Variants in MYLK4 observed in about 807,000 individuals in gnomAD.
The protein encoded by MYLK4 is myosin light chain kinase family member 4, also known as caMLCK like.
In MYLK4, 46 loss-of-function variants were observed where a neutral mutation model predicts 48.1. The ratio of observed to expected loss-of-function variants is 0.96; its 90% CI spans 0.75 to 1.22. The LOEUF (loss-of-function observed/expected upper bound fraction) is 1.22, where lower values mean the gene tolerates loss of function less well. MYLK4 is among the 50% of genes most tolerant of loss of function. The pLI is 0.00. For synonymous variants in MYLK4, 170 were observed against 180.8 expected, an observed-to-expected ratio of 0.94 and a Z score of 0.48; for missense variants, 451 against 486.1, an observed-to-expected ratio of 0.93 and a Z score of 0.68.
chr6:2,698,355 TACA>T (rs1229395084), intron 2 of MYLK4, among the ~76,000 whole-genome samples: 1 of 152,186 alleles, frequency 6.6e-6, no homozygotes, highest in Admixed American at 6.5e-5. Flanking sequence ...ATGGCCTTTC[TACA>T]ACAAGGGGGT....
chr6:2,759,612 AG>A, the MYLK4 span, among the ~76,000 whole-genome samples: 1 of 152,160 alleles, frequency 6.6e-6, no homozygotes, highest in African/African-American at 2.4e-5. Context: ...TCACTCTTGT[AG>A]TATCTTCTGC....
At chr6:2,692,015 C>T (rs374275298) in intron 3 of MYLK4, among the ~76,000 whole-genome samples, 21 of 152,320 alleles carry the variant, frequency 1.4e-4, no homozygotes, top group East Asian at 5.8e-4. Context: ...GTTTGATACA[C>T]GTATTGATTT....
rs148683301 is a variant in MYLK4 at position 2,683,459 on chromosome 6, G to T, written c.546-297C>A. On this transcript the variant is annotated intron_variant, in intron 6 of 12. Coordinates refer to ENST00000274643, the MANE Select transcript of MYLK4 (RefSeq NM_001012418.5). ...TTTTGAGATGGAGTCTCGCTGTGTC[G>T]CTCAGGCTAGAGGGCAGTGGCAGGA... Among the ~76,000 whole-genome samples the T allele has an allele frequency of 8.9e-4, 125 of 141,044 alleles. 1 individual carries two copies. In the East Asian group the frequency reaches 0.026, roughly 29 times the overall value. The allele number at this position is 141,044 out of a possible 152,430, so 92.5% of individuals were successfully genotyped here. A position where few individuals can be genotyped will look rare whatever the true frequency, so the allele number is the denominator to read the frequency against.
chr6:2,710,209 G>A (rs1386528564), intron 2 of MYLK4, among the ~76,000 whole-genome samples: 1 of 152,040 alleles, frequency 6.6e-6, no homozygotes, highest in Admixed American at 6.6e-5. Context: ...ACTCCTGCAG[G>A]CTGCGTTGAA....
chr6:2,699,759 A>G (rs991645616), intron 2 of MYLK4, among the ~76,000 whole-genome samples: 3 of 152,150 alleles, frequency 2.0e-5, no homozygotes, highest in Non-Finnish European at 4.4e-5. Context: ...AAAGGGTTAT[A>G]TGTTCGGAGC....
chr6:2,691,771 A>C (rs1295918710), intron 3 of MYLK4, among the ~76,000 whole-genome samples: 1 of 152,270 alleles, frequency 6.6e-6, no homozygotes, highest in Non-Finnish European at 1.5e-5. Context: ...AAAACATAGA[A>C]AATAACAAAA....
chr6:2,670,475 C>A (rs1336916865), intron 12 of MYLK4, among the ~76,000 whole-genome samples: 2 of 152,202 alleles, frequency 1.3e-5, no homozygotes, highest in East Asian at 3.8e-4. Flanking sequence ...GCTGTGGACT[C>A]CCCACCCAAG....
chr6:2,763,369 G>A, the MYLK4 span, among the ~76,000 whole-genome samples: 1 of 152,252 alleles, frequency 6.6e-6, no homozygotes, highest in South Asian at 2.1e-4. Flanking sequence ...GAACGGCCCT[G>A]GGTGCCGTGA....
At chr6:2,733,628 G>A (rs1051253284) in intron 2 of MYLK4, among the ~76,000 whole-genome samples, 3 of 152,068 alleles carry the variant, frequency 2.0e-5, no homozygotes, top group Admixed American at 6.6e-5. Context: ...AATTTAATAC[G>A]TTTTTTATTA....
intron 2 of MYLK4, among the ~76,000 whole-genome samples, chr6:2,725,750 G>A (rs570440735): frequency 2.6e-5 from 4 of 152,196 alleles, no homozygotes; most frequent in Admixed American, 6.5e-5. Context: ...AGCACTTCTT[G>A]AAATAACCTC....
intron 2 of MYLK4, among the ~76,000 whole-genome samples, chr6:2,697,612 C>T (rs1047986650): frequency 2.6e-5 from 4 of 152,228 alleles, no homozygotes; most frequent in African/African-American, 9.6e-5. Context: ...AAGGGAAATT[C>T]ATTCAACTGA....
intron 2 of MYLK4, among the ~76,000 whole-genome samples, chr6:2,694,517 G>GGTA (rs1761958810): frequency 6.6e-4 from 1 of 1,504 alleles, no homozygotes. Context: ...TGGTGGCGGT[G>GGTA]GTGGTGGTGG....
chr6:2,669,590 T>C (rs1003456209), intron 12 of MYLK4, among the ~76,000 whole-genome samples: 6 of 152,056 alleles, frequency 3.9e-5, no homozygotes, highest in African/African-American at 1.4e-4. Context: ...ACAAAACTGC[T>C]TCTGGGGGTG....
intron 12 of MYLK4, 24 bp from the exon 13 acceptor site, chr6:2,667,923 T>C (rs1582016132): frequency 6.6e-6 from 1 of 152,614 alleles, no homozygotes; most frequent in East Asian, 1.9e-4. Flanking sequence ...AAAATATGAA[T>C]CTTGTTAATT....
chr6:2,710,156 T>G (rs578056856), intron 2 of MYLK4, among the ~76,000 whole-genome samples: 4 of 152,240 alleles, frequency 2.6e-5, no homozygotes, highest in South Asian at 2.1e-4. Flanking sequence ...CACTTGTAAG[T>G]TTTCTGACAT....
intron 4 of MYLK4, among the ~76,000 whole-genome samples, chr6:2,688,341 G>A (rs946595171): frequency 6.6e-5 from 10 of 152,356 alleles, no homozygotes; most frequent in African/African-American, 2.4e-4. Context: ...TTACAGGCGT[G>A]AGCCACCGCG....
At chr6:2,754,903 T>C (rs558279454), upstream of MYLK4, among the ~76,000 whole-genome samples, 54 of 152,174 alleles carry the variant, frequency 3.5e-4, no homozygotes, top group Non-Finnish European at 7.5e-4. Flanking sequence ...ATGAATATCA[T>C]GCAATATAAG....
At chr6:2,670,137 G>A (rs1033331630) in intron 12 of MYLK4, among the ~76,000 whole-genome samples, 9 of 152,124 alleles carry the variant, frequency 5.9e-5, no homozygotes, top group African/African-American at 1.7e-4. Flanking sequence ...AGGCTGAGGC[G>A]GGCAGATCAC....
intron 1 of MYLK4, among the ~76,000 whole-genome samples, chr6:2,750,092 AC>A (rs2113385115): frequency 6.6e-6 from 1 of 152,320 alleles, no homozygotes; most frequent in East Asian, 1.9e-4. Context: ...CTATATGTAC[AC>A]ATCACTTGAT....
Sources: gnomAD v4.1 joint callset for allele counts (sites outside exome capture counted in the v4.1 genomes callset) on GRCh38, gnomAD v4.1.1 for gene constraint, MANE v1.5 for transcripts, NCBI Gene and HGNC (gene_info 2026-07-23, HGNC 2026-07-21) for gene names.